The following TMEM163 variants were observed in gnomAD, a reference collection of about 807,000 sequenced individuals.
TMEM163 encodes transmembrane protein 163.
Under a neutral mutation model 29.3 loss-of-function variants are expected in TMEM163, and 17 were observed. That is an observed-to-expected ratio of 0.58 (90% CI 0.40 to 0.87). The LOEUF is 0.87. Ranked by LOEUF, TMEM163 falls within the 40% of genes least tolerant of loss-of-function variation. The probability of loss-of-function intolerance (pLI) is 0.00; values close to 1 mark genes in which losing one functional copy is unlikely to be tolerated. For synonymous variants in TMEM163, 157 were observed against 160.6 expected (o/e 0.98, Z 0.17); for missense variants, 303 against 381.5 (o/e 0.79, Z 1.71).
intron 6 of TMEM163, 150 bp from the exon 7 acceptor site, chr2:134,458,323 A>C: frequency 1.2e-6 from 1 of 854,890 alleles, no homozygotes; most frequent in Non-Finnish European, 1.8e-6. Flanking sequence ...ACCTGGGCCC[A>C]TCAAGTCTCT....
At position 134,485,783 on chromosome 2, in the gene TMEM163, T is replaced by C. The variant is rs1679293651; in HGVS notation, c.555+17118A>G. 2.0e-5 allele frequency among the ~76,000 whole-genome samples: 3 copies of C among 152,130 alleles called. No individual in the cohort carries two copies. In the South Asian group the frequency reaches 6.2e-4, roughly 32 times the overall value. On this transcript the variant is annotated intron_variant, in intron 5 of 7. Coordinates refer to ENST00000281924, the MANE Select transcript of TMEM163 (RefSeq NM_030923.5). The stretch of plus-strand genomic sequence containing the variant: ...AAATCAACAGGTCTGATCCACAGAA[T>C]CAAACACTTCTTCAGAAACACTAGG...
intron 4 of TMEM163, 81 bp downstream of exon 4, chr2:134,550,489 G>A: frequency 7.4e-7 from 1 of 1,345,076 alleles, no homozygotes. Context: ...AAGCTGCAGG[G>A]CAAGCTGTGT....
intron 2 of TMEM163, among the ~76,000 whole-genome samples, chr2:134,666,796 A>G (rs567144675): frequency 6.6e-6 from 1 of 152,352 alleles, no homozygotes; most frequent in African/African-American, 2.4e-5. Context: ...TATGGATTTT[A>G]TGTGGATTAA....
chr2:134,709,879 T>C (rs906764991), intron 2 of TMEM163, among the ~76,000 whole-genome samples: 2 of 152,238 alleles, frequency 1.3e-5, no homozygotes, highest in African/African-American at 4.8e-5. Flanking sequence ...GGAGGCTTCA[T>C]CTGCATGATA....
At chr2:134,708,445 G>T (rs1359488021) in intron 2 of TMEM163, among the ~76,000 whole-genome samples, 1 of 152,032 alleles carries the variant, frequency 6.6e-6, no homozygotes, top group Non-Finnish European at 1.5e-5. Context: ...AGGGTTAAGA[G>T]TTTACATTAA....
rs541644163 is a variant in TMEM163, at chr2:134,671,381, A to G, written c.322+41819T>C. Among the ~76,000 whole-genome samples, 7 of 151,914 alleles carry G rather than the reference A, an allele frequency of 4.6e-5. No individual in the cohort carries two copies. The East Asian group carries it at 9.7e-4, about 21-fold the overall frequency. Reference sequence around the variant, plus strand: ...CAGGATCACTTGCTACTTCTCCCCAAACCATTTCAGATCCAGCCACAGATG... The same window carrying G: ...CAGGATCACTTGCTACTTCTCCCCAGACCATTTCAGATCCAGCCACAGATG... On this transcript the variant is annotated intron_variant, in intron 2 of 7. Transcript: ENST00000281924.
At chr2:134,498,904 A>G (rs1679640293) in intron 5 of TMEM163, among the ~76,000 whole-genome samples, 1 of 152,196 alleles carries the variant, frequency 6.6e-6, no homozygotes, top group African/African-American at 2.4e-5. Context: ...CAGGGCCAAG[A>G]TAGTCCTGGA....
chr2:134,693,510 G>C (rs1040187012), intron 2 of TMEM163, among the ~76,000 whole-genome samples: 10 of 151,186 alleles, frequency 6.6e-5, no homozygotes, highest in Non-Finnish European at 1.2e-4. Context: ...TCAGGAGGTT[G>C]AGGCAGGAGA....
intron 2 of TMEM163, among the ~76,000 whole-genome samples, chr2:134,591,696 A>G (rs1309942384): frequency 8.5e-5 from 13 of 152,114 alleles, no homozygotes; most frequent in Non-Finnish European, 2.9e-5. Flanking sequence ...CCATTTACAA[A>G]TGTTCCTGGC....
At chr2:134,617,886 G>A (rs939861270) in intron 2 of TMEM163, among the ~76,000 whole-genome samples, 1 of 152,184 alleles carries the variant, frequency 6.6e-6, no homozygotes, top group East Asian at 1.9e-4. Flanking sequence ...CAAGGTGGGA[G>A]GGGGGCTTGA....
chr2:134,593,111 G>A (rs940462312), intron 2 of TMEM163, among the ~76,000 whole-genome samples: 1 of 152,144 alleles, frequency 6.6e-6, no homozygotes, highest in African/African-American at 2.4e-5. Context: ...AAGATGCTAC[G>A]AGCTCTGAGA....
chr2:134,546,179 A>G (rs1680778293), intron 4 of TMEM163, among the ~76,000 whole-genome samples: 1 of 152,264 alleles, frequency 6.6e-6, no homozygotes, highest in Admixed American at 6.5e-5. Flanking sequence ...GAGAACTGCC[A>G]TAGGATCCAG....
intron 4 of TMEM163, among the ~76,000 whole-genome samples, chr2:134,547,319 C>T (rs529639125): frequency 6.6e-6 from 1 of 152,132 alleles, no homozygotes; most frequent in South Asian, 2.1e-4. Flanking sequence ...GTATGAAATA[C>T]CCCATCATAT....
intron 2 of TMEM163, among the ~76,000 whole-genome samples, chr2:134,589,947 C>G (rs1347036779): frequency 1.3e-5 from 2 of 152,140 alleles, no homozygotes; most frequent in Non-Finnish European, 2.9e-5. Flanking sequence ...ACTCCTCCCA[C>G]CCAGTCCTCA....
intron 2 of TMEM163, among the ~76,000 whole-genome samples, chr2:134,659,890 C>A (rs779319875): frequency 1.8e-4 from 27 of 151,830 alleles, no homozygotes; most frequent in South Asian, 4.2e-4. Flanking sequence ...TGAGCTACAA[C>A]CACTATACTG....
At chr2:134,569,832 T>TATCCATATGTTTTAATGGATCCA (rs1366425093) in intron 2 of TMEM163, among the ~76,000 whole-genome samples, 2 of 152,180 alleles carry the variant, frequency 1.3e-5, no homozygotes, top group East Asian at 3.8e-4. Context: ...ATTCAATAAC[T>TATCCATATGTTTTAATGGATCCA]AAATGATCCA....
intron 4 of TMEM163, among the ~76,000 whole-genome samples, chr2:134,538,169 C>A (rs1325139086): frequency 6.6e-6 from 1 of 152,148 alleles, no homozygotes; most frequent in African/African-American, 2.4e-5. Context: ...GAGCTGGGAC[C>A]TTTGGGAGGT....
intron 2 of TMEM163, among the ~76,000 whole-genome samples, chr2:134,614,589 C>T (rs10171371): frequency 0.43 from 65,500 of 152,088 alleles, 15,784 homozygotes; most frequent in Non-Finnish European, 0.55. Context: ...CACAGTGGCT[C>T]ACGCCCATAA....
intron 4 of TMEM163, among the ~76,000 whole-genome samples, chr2:134,547,083 C>T (rs1680806792): frequency 6.6e-6 from 1 of 151,964 alleles, no homozygotes; most frequent in Non-Finnish European, 1.5e-5. Flanking sequence ...TTCAATTTTG[C>T]AGAATGAAAA....
Sources: gnomAD v4.1 joint callset for allele counts (sites outside exome capture counted in the v4.1 genomes callset) on GRCh38, gnomAD v4.1.1 for gene constraint, MANE v1.5 for transcripts, NCBI Gene and HGNC (gene_info 2026-07-23, HGNC 2026-07-21) for gene names.